NRN1L: variants seen among roughly 807,000 people sequenced by gnomAD.
NRN1L encodes the protein neuritin 1 like.
A neutral mutation model predicts 8.8 loss-of-function variants in NRN1L; 12 were observed. That is an observed-to-expected ratio of 1.36 (90% CI 0.87 to 2.20). NRN1L has a LOEUF of 2.20. Among genes scored for constraint, NRN1L ranks in the 30% most tolerant of loss-of-function variants. NRN1L has a pLI of 0.00. For synonymous variants in NRN1L, 114 were observed against 99.2 expected, an observed-to-expected ratio of 1.15 and a Z score of -0.88; for missense variants, 266 against 232.4, an observed-to-expected ratio of 1.14 and a Z score of -0.94.
Position 67,885,786 on chromosome 16 carries a change from C to A in NRN1L, c.144C>A (p.Gly48=), listed in dbSNP as rs1421125705. 1.9e-6 allele frequency: 3 copies of A among 1,601,856 alleles called. No individual in the cohort carries two copies. The highest frequency in any genetic ancestry group is 8.5e-7 in the Non-Finnish European group (1 of 1,175,206). Residue 48 remains glycine (G), a synonymous_variant, in exon 2 of 3, where the codon GGC becomes GGA. Coordinates refer to ENST00000339176, the MANE Select transcript of NRN1L (RefSeq NM_198443.2). The part of the protein sequence containing the change: ...GPNRCDTIYQ[G]FAECLIRLGD... ...ACCGATGTGACACCATATACCAGGG[C>A]TTCGCCGAGTGTCTCATCCGCTTGG...
chr16:67,888,498 G>A (rs2058102827), downstream of NRN1L, among the ~76,000 whole-genome samples: 1 of 152,108 alleles, frequency 6.6e-6, no homozygotes, highest in Non-Finnish European at 1.5e-5. Context: ...AATAGAGCGG[G>A]GCTTGGGGAG....
rs771426345 is a variant in NRN1L, at chr16:67,884,961, C to T, written c.58C>T (p.Pro20Ser). 3 of 1,608,326 alleles carry T rather than the reference C, an allele frequency of 1.9e-6. No homozygotes were observed. The highest frequency in any genetic ancestry group is 2.5e-6 in the Non-Finnish European group (3 of 1,179,782). ...CCRQPPHALRPLLLLPLVLLP... is the reference protein window; with the variant it reads ...CCRQPPHALRSLLLLPLVLLP... ...CCGGCAACCACCCCATGCCCTGAGGCCGTTGCTGTTGCTGCCCCTCGGTGA... is the reference window on the plus strand; with the variant it reads ...CCGGCAACCACCCCATGCCCTGAGGTCGTTGCTGTTGCTGCCCCTCGGTGA... Residue 20 changes from proline (P) to serine (S), a missense_variant, in exon 1 of 3, where the codon CCG (proline) becomes TCG (serine). By Grantham distance (74) the Pro-to-Ser change is moderately conservative. Coordinates refer to ENST00000339176, the MANE Select transcript of NRN1L (RefSeq NM_198443.2). This position sits in a 1 kb window ranked among gnomAD's most constrained non-coding sequence, Gnocchi z 4.1.
chr16:67,885,693 T>TGCCCCCCCCCC, intron 1 of NRN1L, 29 bp from the exon 2 acceptor site: 7 of 1,257,190 alleles, frequency 5.6e-6, no homozygotes, highest in Non-Finnish European at 7.7e-6. Flanking sequence ...TACCATTCCT[T>TGCCCCCCCCCC]CCCCACCCCA....
At chr16:67,885,382 C>CTTTTTAA in intron 1 of NRN1L, 1 of 465,604 alleles carries the variant, frequency 2.1e-6, no homozygotes, top group Non-Finnish European at 3.8e-6. Context: ...GCACCTGCTC[C>CTTTTTAA]TGGTCCGGGG....
In NRN1L at chr16:67,886,359, T is replaced by TA; in HGVS notation, c.*101dup. On this transcript the variant is annotated 3_prime_UTR_variant, in exon 3 of 3. Transcript: ENST00000339176. The stretch of plus-strand genomic sequence containing the variant: ...AGCAGGGCTTTTCATTAAAGGTATT[T>TA]ATATTTGTAGTAAGCTCCTTCCTTT... 1 of 1,106,636 alleles carries TA rather than the reference T, an allele frequency of 9.0e-7. No individual in the cohort carries two copies. Among genetic ancestry groups the TA allele is most frequent in the African/African-American group, 1.6e-5 (1 of 63,358 alleles). The allele number at this position is 1,106,636 out of a possible 1,614,324, so 68.6% of individuals were successfully genotyped here. A position where few individuals can be genotyped will look rare whatever the true frequency, so the allele number is the denominator to read the frequency against.
In NRN1L at chr16:67,885,713, C is replaced by CCCCAAA; in HGVS notation, c.80-9_80-8insCCCAAA. 14 of 1,509,640 alleles carry CCCCAAA rather than the reference C, an allele frequency of 9.3e-6. No homozygotes were observed. The highest frequency in any genetic ancestry group is 2.3e-5 in the East Asian group (1 of 43,486). 93.5% of individuals were successfully genotyped at this position (1,509,640 alleles called of 1,614,324 possible). ...TTCCTTCCCCACCCCACCCCCGCCC[C>CCCCAAA]ACTTCTAGTCCTTTTACCTCCCCTG... is the stretch of plus-strand genomic sequence containing the variant. On this transcript the variant is annotated splice_polypyrimidine_tract_variant and intron_variant, in intron 1 of 2. Coordinates refer to ENST00000339176, the MANE Select transcript of NRN1L (RefSeq NM_198443.2).
chr16:67,887,218 C>T (rs1178507260), downstream of NRN1L, among the ~76,000 whole-genome samples: 1 of 152,150 alleles, frequency 6.6e-6, no homozygotes, highest in Non-Finnish European at 1.5e-5. Context: ...CAAGCCATTA[C>T]CCCACGGTTT....
At position 67,885,703 on chromosome 16, in the gene NRN1L, A is replaced by ACCCC; in HGVS notation, c.80-17_80-14dup. 4.7e-6 allele frequency: 3 copies of ACCCC among 635,100 alleles called. No individual in the cohort carries two copies. The highest frequency in any genetic ancestry group is 7.2e-6 in the Non-Finnish European group (3 of 414,504). 39.3% of individuals were successfully genotyped at this position (635,100 alleles called of 1,614,324 possible). On this transcript the variant is annotated intron_variant, in intron 1 of 2. Coordinates refer to ENST00000339176, the MANE Select transcript of NRN1L (RefSeq NM_198443.2). ...CTATCTACCATTCCTTCCCCACCCC[A>ACCCC]CCCCCGCCCCACTTCTAGTCCTTTT...
At chr16:67,885,456 C>T in intron 1 of NRN1L, 1 of 499,926 alleles carries the variant, frequency 2.0e-6, no homozygotes, top group Non-Finnish European at 3.5e-6. Context: ...GTCACCCCAC[C>T]TGCGGCCCCA....
chr16:67,886,672 C>A (rs2058097667), downstream of NRN1L, among the ~76,000 whole-genome samples: 1 of 152,166 alleles, frequency 6.6e-6, no homozygotes, highest in Non-Finnish European at 1.5e-5. Context: ...GCACTGCCTA[C>A]CCCTTCTATC....
chr16:67,886,468 G>T, downstream of NRN1L: 1 of 566,580 alleles, frequency 1.8e-6, no homozygotes, highest in Non-Finnish European at 3.1e-6. Flanking sequence ...GCGGGGCTGA[G>T]GGCCACCACA....
chr16:67,885,684 A>T, intron 1 of NRN1L, 38 bp from the exon 2 acceptor site: 2 of 1,336,858 alleles, frequency 1.5e-6, no homozygotes, highest in Non-Finnish European at 2.1e-6. Context: ...CATCCTATCT[A>T]CCATTCCTTC....
In NRN1L at chr16:67,886,268, G is replaced by A. The variant is rs1053500382; in HGVS notation, c.*9G>A. On this transcript the variant is annotated 3_prime_UTR_variant, in exon 3 of 3. Transcript: ENST00000339176. ...TGAGGCCTCTGGCCTAGCTTGTTGG[G>A]TTGGGTAGCAGCGCCCGTACCTCCA... 1 of 1,577,158 alleles carries A rather than the reference G, an allele frequency of 6.3e-7. No homozygotes were observed.
chr16:67,885,947 A>C (rs2058094330), intron 2 of NRN1L, 27 bp from the exon 3 acceptor site: 1 of 1,607,066 alleles, frequency 6.2e-7, no homozygotes, highest in Non-Finnish European at 8.5e-7. Context: ...GCCTCACCTA[A>C]TCCCCCTAAT....
At chr16:67,887,583 T>A (rs891519265), downstream of NRN1L, among the ~76,000 whole-genome samples, 1 of 150,098 alleles carries the variant, frequency 6.7e-6, no homozygotes, top group African/African-American at 2.5e-5. Context: ...TTCTTTACTT[T>A]CTTTTTTTTT....
At chr16:67,885,693 T>TCCCCCCCCCCCCCCC in intron 1 of NRN1L, 29 bp from the exon 2 acceptor site, 11 of 1,257,204 alleles carry the variant, frequency 8.7e-6, no homozygotes, top group Non-Finnish European at 1.1e-5. Flanking sequence ...TACCATTCCT[T>TCCCCCCCCCCCCCCC]CCCCACCCCA....
chr16:67,886,487 C>T (rs2058097126), downstream of NRN1L: 2 of 528,696 alleles, frequency 3.8e-6, no homozygotes, highest in Admixed American at 7.3e-5. Flanking sequence ...CAGGGGCCCT[C>T]AATCTTCCTC....
intron 1 of NRN1L, chr16:67,885,226 T>A: frequency 1.7e-6 from 1 of 595,034 alleles, no homozygotes; most frequent in Non-Finnish European, 3.0e-6. Context: ...GCAGGACTTA[T>A]AGACCAGTCG....
intron 1 of NRN1L, 24 bp downstream of exon 1, chr16:67,885,006 G>A (rs1205886411): frequency 4.4e-6 from 7 of 1,591,882 alleles, no homozygotes; most frequent in Non-Finnish European, 3.4e-6. Flanking sequence ...TCCGGGGCCC[G>A]GGCCACACCC....
Sources: allele counts gnomAD v4.1 joint callset (sites outside exome capture counted in the v4.1 genomes callset), GRCh38; gene constraint gnomAD v4.1.1; non-coding constraint Gnocchi (gnomAD v3.1); transcripts MANE v1.5; gene names NCBI Gene and HGNC (gene_info 2026-07-23, HGNC 2026-07-21).